NAA16: variants seen among roughly 807,000 people sequenced by gnomAD.
NAA16 encodes the protein NARG1-like protein.
Under a neutral mutation model 110.3 loss-of-function variants are expected in NAA16, and 97 were observed. The observed-to-expected ratio is 0.88, with a 90% CI of 0.75 to 1.04. NAA16 has a LOEUF of 1.04. NAA16 is among the 50% of genes least tolerant of loss of function. NAA16 has a pLI of 0.00. For synonymous variants in NAA16, 372 were observed against 330.6 expected, an observed-to-expected ratio of 1.13 and a Z score of -1.36; for missense variants, 1,017 against 1,005.1, an observed-to-expected ratio of 1.01 and a Z score of -0.16.
Position 41,325,060 on chromosome 13 carries a change from C to T in NAA16, c.538-638C>T, listed in dbSNP as rs144808141. 5.4e-3 allele frequency among the ~76,000 whole-genome samples: 802 copies of T among 147,298 alleles called. 5 individuals are homozygous for T. The highest frequency in any genetic ancestry group is 0.011 in the South Asian group (49 of 4,560). ...TGCAACCTCCACTTCCGGGCTTAAG[C>T]GATTCTTCTGCCTCAGCTTCCTGAG... On this transcript the variant is annotated intron_variant, in intron 5 of 19. Transcript: ENST00000379406.
At chr13:41,367,767 C>T (rs2043236548) in intron 14 of NAA16, 115 bp downstream of exon 14, 1 of 667,184 alleles carries the variant, frequency 1.5e-6, no homozygotes, top group African/African-American at 1.9e-5. Context: ...TGAAGACAAA[C>T]ATTAGATAAC....
chr13:41,318,982 A>G (rs1042670703), intron 3 of NAA16, 72 bp downstream of exon 3: 6 of 838,168 alleles, frequency 7.2e-6, no homozygotes, highest in South Asian at 4.6e-5. Context: ...AATTTGTACT[A>G]TGAAAATTCC....
chr13:41,321,400 C>A (rs960839737), intron 4 of NAA16, among the ~76,000 whole-genome samples: 1 of 152,150 alleles, frequency 6.6e-6, no homozygotes, highest in Non-Finnish European at 1.5e-5. Flanking sequence ...TAGTCTTGAA[C>A]TCCTAGGCTC....
Position 41,316,891 on chromosome 13 carries a change from A to G in NAA16, c.100A>G (p.Lys34Glu), listed in dbSNP as rs1566239067. ...KQYKNGLKFC[K>E]MILSNPKFAE... ...GTACAAAAATGGCCTCAAGTTTTGCAAGATGATTCTGTCGAACCCAAAATT... is the reference window on the plus strand; with the variant it reads ...GTACAAAAATGGCCTCAAGTTTTGCGAGATGATTCTGTCGAACCCAAAATT... Residue 34 changes from lysine (K) to glutamate (E), a missense_variant, in exon 2 of 20, where the codon AAG becomes GAG. Physicochemically the swap from Lys to Glu is moderately conservative, Grantham distance 56. Transcript: ENST00000379406. 2 of 1,613,852 alleles carry G rather than the reference A, an allele frequency of 1.2e-6. No individual in the cohort carries two copies. The highest frequency in any genetic ancestry group is 8.5e-7 in the Non-Finnish European group (1 of 1,179,830).
intron 5 of NAA16, among the ~76,000 whole-genome samples, chr13:41,324,957 G>T (rs1463344693): frequency 1.0e-4 from 12 of 119,428 alleles, no homozygotes; most frequent in East Asian, 5.2e-4. Flanking sequence ...TTTTAGTTTA[G>T]TTTTTTTTTT....
chr13:41,336,783 GCTATAGTCTTTTTTA>G, intron 9 of NAA16, 27 bp downstream of exon 9: 2 of 1,324,210 alleles, frequency 1.5e-6, no homozygotes, highest in Non-Finnish European at 2.1e-6. Context: ...ATTCAGATTT[GCTATAGTCTTTTTTA>G]CTAAACTGTA....
intron 9 of NAA16, among the ~76,000 whole-genome samples, chr13:41,345,109 G>A (rs907996609): frequency 1.3e-5 from 2 of 152,068 alleles, no homozygotes; most frequent in Non-Finnish European, 1.5e-5. Context: ...CACATTGATT[G>A]TTTCTACCTT....
chr13:41,311,797 T>A (rs1566232605), intron 1 of NAA16, among the ~76,000 whole-genome samples: 1 of 152,176 alleles, frequency 6.6e-6, no homozygotes. Context: ...TCCGCGGTCT[T>A]CTGCGGCTCG....
intron 7 of NAA16, among the ~76,000 whole-genome samples, chr13:41,331,022 T>G (rs955091969): frequency 2.6e-5 from 4 of 152,082 alleles, no homozygotes; most frequent in Admixed American, 2.0e-4. Context: ...GTATATGTGA[T>G]TTGGGTTGTA....
chr13:41,357,389 C>T (rs117826132), intron 10 of NAA16, among the ~76,000 whole-genome samples: 3,873 of 149,228 alleles, frequency 0.026, 80 homozygotes, highest in Non-Finnish European at 0.047. Flanking sequence ...TTTCTGCATT[C>T]GTTAGCTGGA....
intron 3 of NAA16, 115 bp downstream of exon 3, chr13:41,319,025 CTG>C (rs2041879787): frequency 2.0e-6 from 1 of 492,542 alleles, no homozygotes; most frequent in Non-Finnish European, 3.5e-6. Context: ...TTAATGAACT[CTG>C]TGTATCCATT....
At chr13:41,325,419 T>C (rs993304098) in intron 5 of NAA16, among the ~76,000 whole-genome samples, 9 of 148,962 alleles carry the variant, frequency 6.0e-5, no homozygotes, top group African/African-American at 2.2e-4. Context: ...ACTCTAGTAG[T>C]TTTTTTTTTG....
chr13:41,335,873 C>A (rs990773105), intron 8 of NAA16, among the ~76,000 whole-genome samples: 19 of 144,776 alleles, frequency 1.3e-4, no homozygotes, highest in Non-Finnish European at 2.7e-4. Context: ...TTTTTTTTTT[C>A]CCCCAAATGA....
Position 41,312,074 on chromosome 13 carries a change from T to C in NAA16, c.54+492T>C, listed in dbSNP as rs977523110. Among the ~76,000 whole-genome samples the C allele has an allele frequency of 2.6e-5, 4 of 152,250 alleles. 1 individual carries two copies. The highest frequency in any genetic ancestry group is 4.4e-5 in the Non-Finnish European group (3 of 68,042). The stretch of plus-strand genomic sequence containing the variant: ...GGGATCGATGCGATGGTGGAATTTT[T>C]CCTGGTTACGAGGAAATAAAACCGG... On this transcript the variant is annotated intron_variant, in intron 1 of 19. Coordinates refer to ENST00000379406, the MANE Select transcript of NAA16 (RefSeq NM_024561.5).
chr13:41,345,235 T>A (rs57990639), intron 9 of NAA16, among the ~76,000 whole-genome samples: 1 of 152,188 alleles, frequency 6.6e-6, no homozygotes, highest in Non-Finnish European at 1.5e-5. Context: ...AAATGGTAAC[T>A]CTATGTTTAA....
intron 10 of NAA16, among the ~76,000 whole-genome samples, chr13:41,356,179 GCGCACACGC>G (rs2042978807): frequency 6.7e-6 from 1 of 150,062 alleles, no homozygotes; most frequent in African/African-American, 2.5e-5. Flanking sequence ...GTGCATACGC[GCGCACACGC>G]GGGGGTTTGG....
rs2041988220 is a variant in NAA16 at position 41,323,095 on chromosome 13, C to T, written c.442C>T (p.Arg148Cys). Residue 148 changes from arginine (R) to cysteine (C), a missense_variant, in exon 5 of 20, where the codon CGT (arginine) becomes TGT (cysteine). Transcript: ENST00000379406. ...YQLLQLRPTQ[R>C]ASWIGYAIAY... ...GCTTCTTCAGTTGCGCCCCACACAGCGTGCCTCCTGGATTGGATATGCTAT... is the reference window on the plus strand; with the variant it reads ...GCTTCTTCAGTTGCGCCCCACACAGTGTGCCTCCTGGATTGGATATGCTAT... 11 of 1,614,036 alleles carry T rather than the reference C, an allele frequency of 6.8e-6. No homozygotes were observed. The highest frequency in any genetic ancestry group is 2.7e-5 in the African/African-American group (2 of 75,022).
intron 8 of NAA16, among the ~76,000 whole-genome samples, chr13:41,332,284 T>C (rs1342402379): frequency 2.0e-5 from 3 of 152,226 alleles, no homozygotes; most frequent in Admixed American, 6.5e-5. Context: ...TTAACCACTT[T>C]CCCGAGTTTT....
rs181128992 is a variant in NAA16, at chr13:41,331,480, G to A, written c.907+111G>A. The stretch of plus-strand genomic sequence containing the variant: ...AGAGTTTATGTTTACAGCAGTCTTG[G>A]AGTTGGGAGTGAACAGTTATGAGTT... On this transcript the variant is annotated intron_variant, in intron 8 of 19. Transcript: ENST00000379406. The A allele has an allele frequency of 3.7e-3, 2,510 of 674,656 alleles. 10 individuals carry two copies. Among genetic ancestry groups the A allele is most frequent in the Non-Finnish European group, 3.8e-3 (1,531 of 405,694 alleles). 41.8% of individuals were successfully genotyped at this position (674,656 alleles called of 1,614,324 possible).
Sources: gnomAD v4.1 joint callset for allele counts (sites outside exome capture counted in the v4.1 genomes callset) on GRCh38, gnomAD v4.1.1 for gene constraint, MANE v1.5 for transcripts, NCBI Gene and HGNC (gene_info 2026-07-23, HGNC 2026-07-21) for gene names.